Variants in NLRP7 observed in about 807,000 individuals in gnomAD.
NLRP7 encodes NACHT, LRR and PYD domains-containing protein 7.
NLRP7 carries 72 observed loss-of-function variants against 85.5 expected under a neutral mutation model. That is an observed-to-expected ratio of 0.84 (90% CI 0.70 to 1.02). The LOEUF is 1.02. NLRP7 is among the 50% of genes least tolerant of loss of function. NLRP7 has a pLI of 0.00. For synonymous variants in NLRP7, 550 were observed against 505.2 expected (o/e 1.09, Z -1.19); for missense variants, 1,243 against 1,219.5 (o/e 1.02, Z -0.29).
intron 9 of NLRP7, among the ~76,000 whole-genome samples, chr19:54,924,679 T>C (rs959861705): frequency 2.6e-5 from 4 of 152,098 alleles, no homozygotes; most frequent in African/African-American, 9.7e-5. Context: ...CTCACGCCTA[T>C]AATTCCAGCA....
chr19:54,938,027 G>A lies in NLRP7; in HGVS notation c.2129+17C>T. ...TCATCGTTCAGGGTCTTCCTTGCAA[G>A]ATGAGCTTCTACTTACTCCACTTTC... is the stretch of plus-strand genomic sequence containing the variant. On this transcript the variant is annotated intron_variant, in intron 5 of 9. Transcript: ENST00000340844. 1.9e-6 allele frequency: 3 copies of A among 1,600,626 alleles called. No homozygotes were observed. The highest frequency in any genetic ancestry group is 1.7e-4 in the Middle Eastern group (1 of 6,042).
intron 9 of NLRP7, among the ~76,000 whole-genome samples, chr19:54,929,696 T>TTA (rs1275323348): frequency 6.6e-6 from 1 of 152,130 alleles, no homozygotes; most frequent in Non-Finnish European, 1.5e-5. Context: ...GGGGCCATTG[T>TTA]TATATATATT....
At chr19:54,949,790 C>T (rs943370492), upstream of NLRP7, among the ~76,000 whole-genome samples, 9 of 152,060 alleles carry the variant, frequency 5.9e-5, no homozygotes, top group Non-Finnish European at 1.2e-4. Context: ...CTAAGGAATC[C>T]TCCATAAACC....
exon 8 of NLRP7, chr19:54,933,659 A>G: frequency 1.2e-6 from 2 of 1,614,200 alleles, no homozygotes; most frequent in Non-Finnish European, 8.5e-7. Flanking sequence ...GGCCAAGCAC[A>G]GGTGTGTCAG....
chr19:54,951,751 G>A (rs557132571), upstream of NLRP7, among the ~76,000 whole-genome samples: 28 of 151,438 alleles, frequency 1.8e-4, no homozygotes, highest in Non-Finnish European at 3.0e-4. Flanking sequence ...GTCATTAGAC[G>A]AATTTTTTTT....
At chr19:54,938,103 A>G (rs760541641) in exon 5 of NLRP7, 15 of 1,613,980 alleles carry the variant, frequency 9.3e-6, no homozygotes, top group Non-Finnish European at 8.5e-6. Flanking sequence ...TCCGCACAGA[A>G]GAGTCACTCA....
exon 10 of NLRP7, chr19:54,923,655 T>G: frequency 6.9e-7 from 1 of 1,453,994 alleles, no homozygotes. Context: ...AGTGTTAACA[T>G]GTGACCCTCT....
In NLRP7 at chr19:54,939,653, G is replaced by A. The variant is rs2069121824; in HGVS notation, c.1166C>T (p.Thr389Ile). The change falls in exon 4 of 10, where the codon ACC becomes ATC. Residue 389 changes from threonine to isoleucine, a missense_variant. Around this residue, in one of 3 missense-constraint regions of NLRP7, gnomAD observed 591 missense variants for 563.3 expected, o/e 1.05. Coordinates refer to ENST00000340844, the Ensembl canonical transcript of NLRP7. ...GAAACGCAGGAACAGCCCCGTGCGG[G>A]TGAGGCAGGTGGGGACCGGGTCCTC... 4.3e-6 allele frequency: 7 copies of A among 1,612,048 alleles called. No homozygotes were observed. In the South Asian group the frequency reaches 6.6e-5, roughly 15 times the overall value.
At chr19:54,951,751 G>GA (rs2069676252), upstream of NLRP7, among the ~76,000 whole-genome samples, 1 of 151,316 alleles carries the variant, frequency 6.6e-6, no homozygotes, top group South Asian at 2.1e-4. Flanking sequence ...GTCATTAGAC[G>GA]AATTTTTTTT....
At chr19:54,958,410 G>A (rs2069927546) in intron 1 of NLRP7, among the ~76,000 whole-genome samples, 1 of 149,956 alleles carries the variant, frequency 6.7e-6, no homozygotes, top group African/African-American at 2.5e-5. Context: ...GGGACGCCGA[G>A]GTGGGCGAAT....
At chr19:54,941,483 C>T in exon 2 of NLRP7, 2 of 1,612,556 alleles carry the variant, frequency 1.2e-6, no homozygotes, top group Non-Finnish European at 1.7e-6. Flanking sequence ...AGATTCATCT[C>T]TTCCAAGATG....
intron 9 of NLRP7, among the ~76,000 whole-genome samples, chr19:54,925,619 A>C (rs1239429426): frequency 6.6e-6 from 1 of 152,166 alleles, no homozygotes; most frequent in Non-Finnish European, 1.5e-5. Context: ...CCTCGGCAAC[A>C]CGGCCACACA....
intron 1 of NLRP7, among the ~76,000 whole-genome samples, chr19:54,964,360 G>T (rs927162990): frequency 6.7e-6 from 1 of 149,866 alleles, no homozygotes; most frequent in Non-Finnish European, 1.5e-5. Context: ...GGGACTACAG[G>T]TGCCCGCCAC....
At chr19:54,931,666 C>G (rs1602130501) in intron 8 of NLRP7, among the ~76,000 whole-genome samples, 3 of 144,856 alleles carry the variant, frequency 2.1e-5, no homozygotes, top group South Asian at 2.2e-4. Flanking sequence ...CCAGCCTGGG[C>G]AAGAGCGAAA....
At chr19:54,941,982 G>C (rs1323828892) in intron 1 of NLRP7, among the ~76,000 whole-genome samples, 1 of 152,094 alleles carries the variant, frequency 6.6e-6, no homozygotes, top group African/African-American at 2.4e-5. Context: ...GGCTGGGCAC[G>C]GTGGCTCACG....
intron 9 of NLRP7, among the ~76,000 whole-genome samples, chr19:54,926,431 A>G (rs2068442146): frequency 6.6e-6 from 1 of 152,184 alleles, no homozygotes; most frequent in South Asian, 2.1e-4. Flanking sequence ...CCCTACAAAG[A>G]GTACACACAC....
intron 1 of NLRP7, among the ~76,000 whole-genome samples, chr19:54,963,550 G>A (rs1025769334): frequency 4.0e-5 from 6 of 151,628 alleles, no homozygotes; most frequent in African/African-American, 7.3e-5. Flanking sequence ...AAGGCTAGGC[G>A]CAGTGGCTCA....
upstream of NLRP7, among the ~76,000 whole-genome samples, chr19:54,949,346 C>T (rs1044798763): frequency 2.0e-5 from 3 of 151,168 alleles, no homozygotes; most frequent in Non-Finnish European, 2.9e-5. Flanking sequence ...GAGGCTGAGG[C>T]GGGAGGACTG....
At chr19:54,936,426 T>G (rs779983360) in exon 6 of NLRP7, 1 of 1,613,938 alleles carries the variant, frequency 6.2e-7, no homozygotes, top group Non-Finnish European at 8.5e-7. Context: ...GGTGACGTTT[T>G]TAATCCTAGG....
Sources: allele counts gnomAD v4.1 joint callset (sites outside exome capture counted in the v4.1 genomes callset), GRCh38; gene constraint gnomAD v4.1.1; regional missense constraint gnomAD v4.1.1; transcripts MANE v1.5; gene names NCBI Gene and HGNC (gene_info 2026-07-23, HGNC 2026-07-21).